TSHZ2: variants seen among roughly 807,000 people sequenced by gnomAD.
TSHZ2 encodes teashirt zinc finger homeobox 2, also known as teashirt homolog 2.
In TSHZ2, 21 loss-of-function variants were observed where a neutral mutation model predicts 74.4. The observed-to-expected ratio is 0.28, with a 90% CI of 0.20 to 0.41. The LOEUF (loss-of-function observed/expected upper bound fraction) is 0.41, where lower values mean the gene tolerates loss of function less well. Ranked by LOEUF, TSHZ2 falls within the 10% of genes least tolerant of loss-of-function variation. The probability of loss-of-function intolerance (pLI) is 1.00; values close to 1 mark genes in which losing one functional copy is unlikely to be tolerated. For missense variants in TSHZ2, 1,244 were observed against 1,293.5 expected (o/e 0.96, Z 0.59); for synonymous variants, 540 against 515.3 (o/e 1.05, Z -0.65).
At chr20:53,004,306 T>C (rs1017935450) in intron 1 of TSHZ2, among the ~76,000 whole-genome samples, 1 of 152,168 alleles carries the variant, frequency 6.6e-6, no homozygotes, top group Non-Finnish European at 1.5e-5. Context: ...CTGTAATTCA[T>C]TGTGTTGGAT....
At chr20:53,380,948 T>C (rs986022583) in intron 2 of TSHZ2, among the ~76,000 whole-genome samples, 9 of 152,262 alleles carry the variant, frequency 5.9e-5, no homozygotes, top group African/African-American at 1.9e-4. Context: ...GTAATGACTA[T>C]GCTGGTCTCA....
chr20:53,199,441 T>A (rs986043326), intron 1 of TSHZ2, among the ~76,000 whole-genome samples: 5 of 152,028 alleles, frequency 3.3e-5, no homozygotes, highest in African/African-American at 1.2e-4. Context: ...GCCACTATAC[T>A]CCAGCCTGGG....
At chr20:53,283,327 A>G (rs769842633) in intron 2 of TSHZ2, among the ~76,000 whole-genome samples, 9 of 152,196 alleles carry the variant, frequency 5.9e-5, no homozygotes, top group Non-Finnish European at 7.3e-5. Flanking sequence ...ATAGTTATTG[A>G]ATGCTTACTA....
intron 1 of TSHZ2, among the ~76,000 whole-genome samples, chr20:53,151,835 T>C (rs147194130): frequency 1.1e-3 from 170 of 152,342 alleles, no homozygotes; most frequent in African/African-American, 4.0e-3. Context: ...ATACCATTGG[T>C]GATTATTCTT....
intron 1 of TSHZ2, among the ~76,000 whole-genome samples, chr20:53,050,376 T>G (rs150043697): frequency 6.6e-6 from 1 of 152,102 alleles, no homozygotes; most frequent in East Asian, 1.9e-4. Context: ...GTTAGTGTCT[T>G]CACAAATAAA....
chr20:53,119,967 G>A (rs746960883), intron 1 of TSHZ2, among the ~76,000 whole-genome samples: 4 of 152,162 alleles, frequency 2.6e-5, no homozygotes, highest in South Asian at 2.1e-4. Context: ...ACTGTTTGAG[G>A]TGCCTATGTT....
At chr20:53,348,097 A>T (rs1276156085) in intron 2 of TSHZ2, among the ~76,000 whole-genome samples, 2 of 152,198 alleles carry the variant, frequency 1.3e-5, no homozygotes, top group Non-Finnish European at 2.9e-5. Context: ...GTGGTTCCTC[A>T]ATAAGATAAA....
intron 1 of TSHZ2, among the ~76,000 whole-genome samples, chr20:53,190,824 A>C (rs1988719157): frequency 6.6e-6 from 1 of 152,190 alleles, no homozygotes; most frequent in Admixed American, 6.5e-5. Flanking sequence ...TAAAACAAAA[A>C]GTGGGCATCA....
chr20:53,260,946 C>T lies in TSHZ2; in HGVS notation c.*8+4375C>T, dbSNP rs189446864. Among the ~76,000 whole-genome samples, 446 of 152,336 alleles carry T rather than the reference C, an allele frequency of 2.9e-3. 1 individual carries two copies. Among genetic ancestry groups the T allele is most frequent in the Admixed American group, 5.7e-3 (87 of 15,306 alleles). On this transcript the variant is annotated intron_variant, in intron 2 of 2. Transcript: ENST00000371497. Reference sequence around the variant, plus strand: ...CAGATAACAATGACAGTGAAACTACCGTTGACTGGCCTCTTTTTATAACTC... The same window carrying T: ...CAGATAACAATGACAGTGAAACTACTGTTGACTGGCCTCTTTTTATAACTC...
intron 2 of TSHZ2, among the ~76,000 whole-genome samples, chr20:53,482,126 AAAAAAAAAG>A (rs1986168840): frequency 6.6e-6 from 1 of 150,476 alleles, no homozygotes; most frequent in African/African-American, 2.5e-5. Context: ...AAAAAAAAAA[AAAAAAAAAG>A]TAACTATACT....
rs1478887800 is a variant in TSHZ2, at chr20:53,337,101, G to A, written c.*8+80530G>A. The stretch of plus-strand genomic sequence containing the variant: ...GGCAAGGCTGACACCTGCAGGGCTG[G>A]CCAGCAAGGTGGAAGCTCACAGATA... On this transcript the variant is annotated intron_variant, in intron 2 of 2. Coordinates refer to ENST00000371497, the MANE Select transcript of TSHZ2 (RefSeq NM_173485.6). Among the ~76,000 whole-genome samples the A allele has an allele frequency of 3.3e-5, 5 of 152,216 alleles. No individual in the cohort carries two copies. In the East Asian group the frequency reaches 9.6e-4, roughly 29 times the overall value.
At chr20:53,475,743 A>G (rs1600669542) in intron 2 of TSHZ2, among the ~76,000 whole-genome samples, 1 of 141,172 alleles carries the variant, frequency 7.1e-6, no homozygotes, top group African/African-American at 2.7e-5. Flanking sequence ...AAGGATCAAC[A>G]AAATTGATAG....
At chr20:53,036,204 G>C (rs1983812112) in intron 1 of TSHZ2, among the ~76,000 whole-genome samples, 1 of 152,094 alleles carries the variant, frequency 6.6e-6, no homozygotes, top group Non-Finnish European at 1.5e-5. Context: ...CGTGAGGCTT[G>C]GGAGTTATTT....
intron 1 of TSHZ2, among the ~76,000 whole-genome samples, chr20:53,219,564 T>G (rs1989509599): frequency 6.6e-6 from 1 of 152,214 alleles, no homozygotes; most frequent in Non-Finnish European, 1.5e-5. Context: ...TACCTTTATT[T>G]GAAGAGACTA....
At chr20:53,195,117 T>A (rs551365406) in intron 1 of TSHZ2, among the ~76,000 whole-genome samples, 4 of 152,268 alleles carry the variant, frequency 2.6e-5, no homozygotes, top group African/African-American at 7.2e-5. Context: ...GATCTCCCCT[T>A]CTGGCTGATT....
Position 53,256,285 on chromosome 20 carries a change from A to T in TSHZ2, c.2827A>T (p.Ser943Cys). 6.2e-7 allele frequency: 1 copy of T among 1,614,092 alleles called. No homozygotes were observed. Among genetic ancestry groups the T allele is most frequent in the Non-Finnish European group, 8.5e-7 (1 of 1,179,964 alleles). Residue 943 changes from serine to cysteine, a missense_variant, in exon 2 of 3, where the codon AGT (serine) becomes TGT (cysteine). Physicochemically the swap from Ser to Cys is moderately radical, Grantham distance 112 (BLOSUM62 -1). Around this residue, in one of 6 missense-constraint regions of TSHZ2, gnomAD observed 185 missense variants for 213.3 expected, o/e 0.87. Coordinates refer to ENST00000371497, the MANE Select transcript of TSHZ2 (RefSeq NM_173485.6). The surrounding 1 kb of genome is among the most constrained non-coding windows in gnomAD (Gnocchi z 4.3). The stretch of plus-strand genomic sequence containing the variant: ...GTTCAGAACCCCTTCTACCTACATC[A>T]GTCACTTAGAATCTCACCTGGGTTT... ...SQFRTPSTYI[S>C]HLESHLGFQM...
chr20:53,086,468 G>A (rs1365729919), intron 1 of TSHZ2, among the ~76,000 whole-genome samples: 2 of 152,058 alleles, frequency 1.3e-5, no homozygotes, highest in Admixed American at 6.5e-5. Flanking sequence ...GGCTTGAGGA[G>A]CAAGTAGTTC....
chr20:53,422,266 A>T lies in TSHZ2; in HGVS notation c.*9-64878A>T, dbSNP rs200280326. Among the ~76,000 whole-genome samples the T allele has an allele frequency of 2.0e-5, 3 of 152,232 alleles. No homozygotes were observed. In the East Asian group the frequency reaches 5.8e-4, roughly 29 times the overall value. ...GCTGACCCTTCCCTTGAATTCAGTGACCCAAACTTTCCAGTGGACAGTTCT... is the reference window on the plus strand; with the variant it reads ...GCTGACCCTTCCCTTGAATTCAGTGTCCCAAACTTTCCAGTGGACAGTTCT... On this transcript the variant is annotated intron_variant, in intron 2 of 2. Coordinates refer to ENST00000371497, the MANE Select transcript of TSHZ2 (RefSeq NM_173485.6).
intron 1 of TSHZ2, among the ~76,000 whole-genome samples, chr20:52,993,715 T>C (rs1029899864): frequency 2.0e-5 from 3 of 152,218 alleles, no homozygotes; most frequent in African/African-American, 7.2e-5. Context: ...ACCTTCCTTA[T>C]TGAAAGAAAA....
Sources: gnomAD v4.1 joint callset for allele counts (sites outside exome capture counted in the v4.1 genomes callset) on GRCh38, gnomAD v4.1.1 for gene constraint, gnomAD v4.1.1 regional missense constraint, Gnocchi (gnomAD v3.1) non-coding constraint, MANE v1.5 for transcripts, NCBI Gene and HGNC (gene_info 2026-07-23, HGNC 2026-07-21) for gene names.